PDE4D: variants seen among roughly 807,000 people sequenced by gnomAD.
PDE4D encodes the protein phosphodiesterase 4D, also known as 3',5'-cyclic-AMP phosphodiesterase 4D.
In PDE4D, 24 loss-of-function variants were observed where a neutral mutation model predicts 87.4. The observed-to-expected ratio is 0.27, with a 90% CI of 0.20 to 0.39. PDE4D has a LOEUF of 0.39. Among genes scored for constraint, PDE4D ranks in the 10% least tolerant of loss-of-function variants. The probability of loss-of-function intolerance (pLI) is 1.00; values close to 1 mark genes in which losing one functional copy is unlikely to be tolerated. For synonymous variants in PDE4D, 384 were observed against 383.2 expected (o/e 1.00, Z -0.02); for missense variants, 714 against 1,041.0 (o/e 0.69, Z 4.32).
At chr5:60,508,864 T>C (rs967521415) in intron 1 of PDE4D, among the ~76,000 whole-genome samples, 5 of 151,868 alleles carry the variant, frequency 3.3e-5, no homozygotes, top group Non-Finnish European at 5.9e-5. Flanking sequence ...TGCAGATTTC[T>C]CTTTTTTTTT....
At chr5:59,097,471 C>T (rs562612865) in intron 5 of PDE4D, among the ~76,000 whole-genome samples, 1 of 152,280 alleles carries the variant, frequency 6.6e-6, no homozygotes, top group South Asian at 2.1e-4. Flanking sequence ...CTACCCTCCA[C>T]TCTCTAAACA....
At chr5:59,062,703 GTTTT>G (rs34248179) in intron 5 of PDE4D, among the ~76,000 whole-genome samples, 1 of 137,682 alleles carries the variant, frequency 7.3e-6, no homozygotes, top group Non-Finnish European at 1.6e-5. Flanking sequence ...AATGCATGTG[GTTTT>G]TTTTTTTTTT....
At chr5:60,076,273 C>G (rs1321917001) in intron 2 of PDE4D, among the ~76,000 whole-genome samples, 1 of 152,158 alleles carries the variant, frequency 6.6e-6, no homozygotes, top group Non-Finnish European at 1.5e-5. Flanking sequence ...ATTCTCCTGC[C>G]TCAGCCTCCC....
chr5:59,195,284 T>C (rs1745212045), intron 2 of PDE4D, among the ~76,000 whole-genome samples: 1 of 152,060 alleles, frequency 6.6e-6, no homozygotes, highest in Admixed American at 6.5e-5. Flanking sequence ...AAAAAAGGTC[T>C]TCTGAGGTCA....
intron 1 of PDE4D, among the ~76,000 whole-genome samples, chr5:59,627,146 G>A (rs1579965915): frequency 6.6e-6 from 1 of 152,272 alleles, no homozygotes; most frequent in East Asian, 1.9e-4. Context: ...AGTCCTTCCA[G>A]TAGCATTTTT....
intron 1 of PDE4D, among the ~76,000 whole-genome samples, chr5:60,192,911 T>C (rs1785309974): frequency 1.3e-5 from 2 of 152,190 alleles, no homozygotes; most frequent in South Asian, 4.1e-4. Flanking sequence ...AAGTGCTAGT[T>C]TTTTGTTCGT....
At chr5:58,977,381 C>CTGTT (rs759410446) in intron 11 of PDE4D, 36 bp from the exon 12 acceptor site, 1 of 1,582,692 alleles carries the variant, frequency 6.3e-7, no homozygotes, top group East Asian at 2.2e-5. Flanking sequence ...ATCAGCAAAA[C>CTGTT]TGTTTGTGAG....
chr5:59,985,148 TTTTATTTTG>T (rs1762321601), intron 3 of PDE4D, among the ~76,000 whole-genome samples: 1 of 126,804 alleles, frequency 7.9e-6, no homozygotes, highest in Non-Finnish European at 1.8e-5. Flanking sequence ...GTTTTTTGTT[TTTTATTTTG>T]AGACAGAGTC....
At chr5:59,444,917 T>C (rs1485235722) in intron 1 of PDE4D, among the ~76,000 whole-genome samples, 1 of 152,186 alleles carries the variant, frequency 6.6e-6, no homozygotes, top group Non-Finnish European at 1.5e-5. Context: ...CAATCCCCAT[T>C]CAAGTTCTGT....
intron 1 of PDE4D, among the ~76,000 whole-genome samples, chr5:59,716,703 T>C (rs1331370219): frequency 6.6e-6 from 1 of 152,238 alleles, no homozygotes; most frequent in Non-Finnish European, 1.5e-5. Context: ...TTGAGTTCAC[T>C]GCTGTATTTG....
At position 59,931,939 on chromosome 5, in the gene PDE4D, A is replaced by G. The variant is rs576745785; in HGVS notation, c.272+56549T>C. ...GATGGTCTTGATCTCCTGACCTCGT[A>G]ATCTGCCCGCCTTGGCCTCCCAAAG... On this transcript the variant is annotated intron_variant, in intron 3 of 16. Coordinates refer to the PDE4D transcript ENST00000502484. Among the ~76,000 whole-genome samples, 57 of 152,062 alleles carry G rather than the reference A, an allele frequency of 3.7e-4. No individual in the cohort carries two copies. In the Middle Eastern group the frequency reaches 0.014, roughly 37 times the overall value.
At chr5:59,101,522 T>C (rs893986111) in intron 5 of PDE4D, among the ~76,000 whole-genome samples, 1 of 152,128 alleles carries the variant, frequency 6.6e-6, no homozygotes, top group African/African-American at 2.4e-5. Flanking sequence ...TAGCAGGTTT[T>C]CCAATAGTAG....
chr5:59,183,821 C>T (rs1267785355), intron 4 of PDE4D, among the ~76,000 whole-genome samples: 2 of 152,178 alleles, frequency 1.3e-5, no homozygotes, highest in Non-Finnish European at 2.9e-5. Context: ...AGCGAACAGG[C>T]CTTTGCAGAC....
rs544840875 is a variant in PDE4D, at chr5:59,199,658, T to C, written c.648-6122A>G. ...TTAGAATTATAGAGAAACAAGTATG[T>C]TCTAATTTTAAAATGAATATAAAAA... is the stretch of plus-strand genomic sequence containing the variant. On this transcript the variant is annotated intron_variant, in intron 2 of 14. Transcript: ENST00000340635. 1.3e-4 allele frequency among the ~76,000 whole-genome samples: 20 copies of C among 152,250 alleles called. No homozygotes were observed. In the East Asian group the frequency reaches 2.9e-3, roughly 22 times the overall value.
At chr5:60,477,829 T>G (rs1158235646) in intron 1 of PDE4D, among the ~76,000 whole-genome samples, 2 of 152,094 alleles carry the variant, frequency 1.3e-5, no homozygotes, top group Non-Finnish European at 2.9e-5. Flanking sequence ...ATGAGAGACA[T>G]GGGAAGGAGC....
At chr5:59,965,811 C>A (rs868492504) in intron 3 of PDE4D, among the ~76,000 whole-genome samples, 1 of 152,168 alleles carries the variant, frequency 6.6e-6, no homozygotes, top group Non-Finnish European at 1.5e-5. Context: ...GTTGACTCTG[C>A]AGGCCGAATG....
intron 2 of PDE4D, among the ~76,000 whole-genome samples, chr5:60,045,311 T>C (rs1432256674): frequency 5.9e-5 from 9 of 152,038 alleles, no homozygotes; most frequent in South Asian, 2.1e-4. Flanking sequence ...ATTTTGTAGG[T>C]TGCCTGTTCA....
At chr5:59,598,880 G>T (rs1471671595) in intron 1 of PDE4D, among the ~76,000 whole-genome samples, 1 of 152,100 alleles carries the variant, frequency 6.6e-6, no homozygotes, top group Non-Finnish European at 1.5e-5. Flanking sequence ...GGAGTTCAAG[G>T]CTGCAGTGGG....
At position 59,215,768 on chromosome 5, in the gene PDE4D, T is replaced by G. The variant is rs746075028; in HGVS notation, c.647+9A>C. ...GGTTTTCTCTCTCTTTGCCTGCCCT[T>G]GTACTTACATATCACTGGCAATGGA... is the stretch of plus-strand genomic sequence containing the variant. On this transcript the variant is annotated intron_variant, in intron 2 of 14. Coordinates refer to ENST00000340635, the MANE Select transcript of PDE4D (RefSeq NM_001104631.2). The G allele has an allele frequency of 8.7e-6, 14 of 1,612,100 alleles. No individual in the cohort carries two copies. Among genetic ancestry groups the G allele is most frequent in the Non-Finnish European group, 1.1e-5 (13 of 1,178,374 alleles).
Sources: allele counts gnomAD v4.1 joint callset (sites outside exome capture counted in the v4.1 genomes callset), GRCh38; gene constraint gnomAD v4.1.1; transcripts MANE v1.5; gene names NCBI Gene and HGNC (gene_info 2026-07-23, HGNC 2026-07-21).